The following PRRG1 variants were observed in gnomAD, a reference collection of about 807,000 sequenced individuals.
PRRG1 encodes proline rich and Gla domain 1, also known as transmembrane gamma-carboxyglutamic acid protein 1.
In PRRG1, 5 loss-of-function variants were observed where a neutral mutation model predicts 11.8. The ratio of observed to expected loss-of-function variants is 0.42; its 90% CI spans 0.22 to 0.89. The LOEUF (loss-of-function observed/expected upper bound fraction) is 0.89. PRRG1 is among the 40% of genes least tolerant of loss of function. The pLI is 0.28. For synonymous variants in PRRG1, 66 were observed against 60.4 expected (o/e 1.09, Z -0.43); for missense variants, 155 against 166.1 (o/e 0.93, Z 0.37).
At chrX:37,403,479 T>C (rs1186257663) in intron 1 of PRRG1, among the ~76,000 whole-genome samples, 1 of 37,569 alleles carries the variant, frequency 2.7e-5, no homozygotes, top group Non-Finnish European at 4.3e-5. Context: ...GGGACTGTTG[T>C]GGGGTGGGGG....
chrX:37,359,511 A>C (rs1569434257), intron 1 of PRRG1, among the ~76,000 whole-genome samples: 1 of 110,930 alleles, frequency 9.0e-6, no homozygotes. Context: ...ATAGCGTATA[A>C]TTTTTTTATA....
intron 1 of PRRG1, among the ~76,000 whole-genome samples, chrX:37,392,685 A>T (rs1182451260): frequency 1.8e-5 from 2 of 109,144 alleles, no homozygotes; most frequent in Non-Finnish European, 3.8e-5. Flanking sequence ...AGAAAGAAAG[A>T]AAACTAGTAA....
chrX:37,398,383 A>G (rs1011895739), intron 1 of PRRG1, among the ~76,000 whole-genome samples: 18 of 112,072 alleles, frequency 1.6e-4, no homozygotes, highest in African/African-American at 5.5e-4. Flanking sequence ...TCTGGAGTGG[A>G]CCTCTAGCAA....
At chrX:37,383,187 A>G (rs1238432428) in intron 1 of PRRG1, among the ~76,000 whole-genome samples, 1 of 112,032 alleles carries the variant, frequency 8.9e-6, no homozygotes, top group East Asian at 2.8e-4. Flanking sequence ...TTAATTTTAT[A>G]TTACAAACAA....
intron 3 of PRRG1, among the ~76,000 whole-genome samples, chrX:37,429,989 A>T (rs1005366242): frequency 6.3e-5 from 7 of 111,792 alleles, no homozygotes; most frequent in Non-Finnish European, 1.3e-4. Context: ...ATAGCACAGG[A>T]AAGACTGGCC....
intron 1 of PRRG1, among the ~76,000 whole-genome samples, chrX:37,374,025 T>C (rs1355933731): frequency 8.9e-6 from 1 of 112,094 alleles, no homozygotes. Flanking sequence ...TATATTGAGA[T>C]GATCATATAG....
intron 3 of PRRG1, among the ~76,000 whole-genome samples, chrX:37,438,684 A>G (rs1932922986): frequency 9.0e-6 from 1 of 111,126 alleles, no homozygotes; most frequent in African/African-American, 3.3e-5. Flanking sequence ...TGACCCACCC[A>G]CTGCGGCCTC....
At chrX:37,448,036 A>G (rs1378340387) in intron 3 of PRRG1, among the ~76,000 whole-genome samples, 1 of 112,378 alleles carries the variant, frequency 8.9e-6, no homozygotes, top group African/African-American at 3.2e-5. Context: ...ACATCAGGAC[A>G]GGTACCAATC....
At chrX:37,432,215 G>A (rs1932836320) in intron 3 of PRRG1, among the ~76,000 whole-genome samples, 1 of 110,074 alleles carries the variant, frequency 9.1e-6, no homozygotes, top group African/African-American at 3.3e-5. Context: ...AGCCTCCCAA[G>A]TAGCTGGGAC....
intron 3 of PRRG1, 65 bp from the exon 4 acceptor site, chrX:37,453,071 T>C (rs1002382368): frequency 9.4e-7 from 1 of 1,068,217 alleles, no homozygotes. Context: ...CAGACATTTA[T>C]TCATCTGGTA....
At chrX:37,447,677 T>C (rs781933604) in intron 3 of PRRG1, among the ~76,000 whole-genome samples, 7 of 112,587 alleles carry the variant, frequency 6.2e-5, no homozygotes, top group Non-Finnish European at 1.3e-4. Flanking sequence ...TTTTCATTAA[T>C]ATTCTCTTCA....
At chrX:37,447,458 A>G (rs782386697) in intron 3 of PRRG1, among the ~76,000 whole-genome samples, 2 of 112,521 alleles carry the variant, frequency 1.8e-5, no homozygotes, top group Non-Finnish European at 3.8e-5. Context: ...TTCAATGTAT[A>G]TGAAGAACTA....
At position 37,420,038 on chromosome X, in the gene PRRG1, T is replaced by A. The variant is rs183469234; in HGVS notation, c.11-5802T>A. On this transcript the variant is annotated intron_variant, in intron 2 of 3. Transcript: ENST00000378628. ...ATATCATTTTTTTTATTTCACAGAA[T>A]AACTGCCACAATGGTAATGACAGTG... 2.5e-3 allele frequency among the ~76,000 whole-genome samples: 278 copies of A among 111,886 alleles called. 1 individual carries two copies. Among genetic ancestry groups the A allele is most frequent in the African/African-American group, 8.4e-3 (259 of 30,833 alleles).
chrX:37,365,939 A>C (rs1327453941), intron 1 of PRRG1, among the ~76,000 whole-genome samples: 1 of 112,123 alleles, frequency 8.9e-6, no homozygotes, highest in Non-Finnish European at 1.9e-5. Flanking sequence ...TAATTGCATT[A>C]GCCTTTATGG....
intron 1 of PRRG1, among the ~76,000 whole-genome samples, chrX:37,405,023 C>T (rs782320514): frequency 9.0e-6 from 1 of 111,725 alleles, no homozygotes; most frequent in Non-Finnish European, 1.9e-5. Context: ...GTACTTTTGT[C>T]CCATTGCTCA....
intron 1 of PRRG1, among the ~76,000 whole-genome samples, chrX:37,357,522 T>TG (rs1221891171): frequency 8.9e-6 from 1 of 112,170 alleles, no homozygotes; most frequent in Non-Finnish European, 1.9e-5. Context: ...AAATATTAAA[T>TG]GGAAAATTCC....
At position 37,455,945 on chromosome X, in the gene PRRG1, A is replaced by G. The variant is rs987154779; in HGVS notation, c.*2324A>G. ...CCTTGAGAGCCTTTCAGGGGGGACTATGAGATCAAAATATTTTTATTATAA... is the reference window on the plus strand; with the variant it reads ...CCTTGAGAGCCTTTCAGGGGGGACTGTGAGATCAAAATATTTTTATTATAA... On this transcript the variant is annotated 3_prime_UTR_variant, in exon 4 of 4. Coordinates refer to ENST00000378628, the MANE Select transcript of PRRG1 (RefSeq NM_001142395.2). The G allele has an allele frequency of 2.7e-5, 3 of 112,024 alleles. No individual in the cohort carries two copies. The highest frequency in any genetic ancestry group is 5.6e-5 in the Non-Finnish European group (3 of 53,205). The allele number at this position is 112,024 out of a possible 1,213,427, so 9.2% of individuals were successfully genotyped here. A position where few individuals can be genotyped will look rare whatever the true frequency, so the allele number is the denominator to read the frequency against.
At chrX:37,434,184 A>G (rs1304003657) in intron 3 of PRRG1, among the ~76,000 whole-genome samples, 2 of 112,596 alleles carry the variant, frequency 1.8e-5, no homozygotes, top group Non-Finnish European at 3.8e-5. Flanking sequence ...ATGTGAATTT[A>G]GAAGTCTGCT....
chrX:37,355,428 T>G (rs1211036195), intron 1 of PRRG1, among the ~76,000 whole-genome samples: 1 of 111,872 alleles, frequency 8.9e-6, no homozygotes, highest in Non-Finnish European at 1.9e-5. Context: ...TGAAAATAGT[T>G]TTATTGGTAA....
Sources: allele counts gnomAD v4.1 joint callset (sites outside exome capture counted in the v4.1 genomes callset), GRCh38; gene constraint gnomAD v4.1.1; transcripts MANE v1.5; gene names NCBI Gene and HGNC (gene_info 2026-07-23, HGNC 2026-07-21).